GPHN: variants seen among roughly 807,000 people sequenced by gnomAD.
GPHN encodes the protein gephyrin.
A neutral mutation model predicts 95.5 loss-of-function variants in GPHN; 17 were observed. The ratio of observed to expected loss-of-function variants is 0.18; its 90% CI spans 0.12 to 0.27. GPHN has a LOEUF of 0.27. Ranked by LOEUF, GPHN falls within the 10% of genes least tolerant of loss-of-function variation. The probability of loss-of-function intolerance (pLI) is 1.00; values close to 1 mark genes in which losing one functional copy is unlikely to be tolerated. For synonymous variants in GPHN, 320 were observed against 322.5 expected, an observed-to-expected ratio of 0.99 and a Z score of 0.08; for missense variants, 660 against 978.1, an observed-to-expected ratio of 0.67 and a Z score of 4.34.
At chr14:67,143,229 C>T (rs1165490545) in intron 17 of GPHN, 133 bp from the exon 18 acceptor site, 1 of 714,710 alleles carries the variant, frequency 1.4e-6, no homozygotes, top group Non-Finnish European at 2.6e-6. Context: ...CTTTTGATTC[C>T]CACTTCATAC....
chr14:66,663,415 C>T (rs4402493), intron 1 of GPHN, among the ~76,000 whole-genome samples: 47,318 of 152,082 alleles, frequency 0.31, 11,188 homozygotes, highest in African/African-American at 0.64. Flanking sequence ...ACTTTCCAGA[C>T]AAGCAAATGT....
At chr14:66,725,786 G>A (rs1224902973) in intron 2 of GPHN, among the ~76,000 whole-genome samples, 1 of 152,088 alleles carries the variant, frequency 6.6e-6, no homozygotes, top group African/African-American at 2.4e-5. Flanking sequence ...TTCCACTAAT[G>A]CTTCAGCTTT....
At chr14:66,927,754 T>C (rs916279945) in intron 8 of GPHN, among the ~76,000 whole-genome samples, 4 of 152,176 alleles carry the variant, frequency 2.6e-5, no homozygotes, top group African/African-American at 7.2e-5. Flanking sequence ...CATGAAGCAA[T>C]TGAATTTCGT....
At chr14:66,751,503 C>A (rs2058360952) in intron 2 of GPHN, among the ~76,000 whole-genome samples, 1 of 152,018 alleles carries the variant, frequency 6.6e-6, no homozygotes, top group Admixed American at 6.6e-5. Flanking sequence ...TGAGAAGTGT[C>A]TGTTCATGTC....
the GPHN span, among the ~76,000 whole-genome samples, chr14:67,436,469 C>T: frequency 5.3e-5 from 8 of 152,342 alleles, no homozygotes; most frequent in South Asian, 1.7e-3. Flanking sequence ...TCACAGCTGC[C>T]CCCTCTAGGT....
chr14:66,988,111 T>A (rs1012023955), intron 9 of GPHN, among the ~76,000 whole-genome samples: 1 of 151,906 alleles, frequency 6.6e-6, no homozygotes, highest in African/African-American at 2.4e-5. Context: ...CCTTTCTGTC[T>A]CTTTTCCCCC....
In GPHN at chr14:66,769,736, G is replaced by A. The variant is rs2059096610; in HGVS notation, c.144-6728G>A. The stretch of plus-strand genomic sequence containing the variant: ...TCTTTATTCAGTCTACCATTGATGG[G>A]CATTTAGGTTGATTCTGTGTCTTTG... On this transcript the variant is annotated intron_variant, in intron 2 of 22. Coordinates refer to ENST00000478722, the MANE Select transcript of GPHN (RefSeq NM_020806.5). Among the ~76,000 whole-genome samples, 3 of 152,042 alleles carry A rather than the reference G, an allele frequency of 2.0e-5. No homozygotes were observed. In the South Asian group the frequency reaches 6.2e-4, roughly 32 times the overall value.
At chr14:66,615,340 C>T (rs1281768140) in intron 1 of GPHN, among the ~76,000 whole-genome samples, 3 of 152,046 alleles carry the variant, frequency 2.0e-5, no homozygotes, top group Admixed American at 6.6e-5. Context: ...AGAGTAAAAG[C>T]GTTCCTATTT....
intron 8 of GPHN, among the ~76,000 whole-genome samples, chr14:66,951,262 G>T (rs1194818294): frequency 6.6e-6 from 1 of 152,036 alleles, no homozygotes; most frequent in African/African-American, 2.4e-5. Context: ...GCTAACACCT[G>T]TAAACCCAGC....
the GPHN span, among the ~76,000 whole-genome samples, chr14:67,295,572 AAG>A: frequency 6.6e-6 from 1 of 152,138 alleles, no homozygotes; most frequent in African/African-American, 2.4e-5. Context: ...CTTCACAAAA[AAG>A]AGGAAATCCA....
At chr14:66,629,412 C>G (rs1403296200) in intron 1 of GPHN, among the ~76,000 whole-genome samples, 1 of 151,634 alleles carries the variant, frequency 6.6e-6, no homozygotes, top group African/African-American at 2.4e-5. Context: ...TCTTGTCTCA[C>G]TAAATAACAC....
intron 9 of GPHN, among the ~76,000 whole-genome samples, chr14:67,011,894 C>G (rs1381573069): frequency 6.7e-6 from 1 of 149,212 alleles, no homozygotes; most frequent in Non-Finnish European, 1.5e-5. Flanking sequence ...ATAAACTGGT[C>G]AGAAGCAGGC....
the GPHN span, among the ~76,000 whole-genome samples, chr14:67,490,007 TCTG>T: frequency 2.1e-3 from 293 of 138,912 alleles, no homozygotes; most frequent in Non-Finnish European, 3.4e-3. Flanking sequence ...AAAAAAAAAT[TCTG>T]TCTATGTGTC....
chr14:66,700,169 A>C (rs2068425492), intron 2 of GPHN, among the ~76,000 whole-genome samples: 1 of 152,196 alleles, frequency 6.6e-6, no homozygotes, highest in Non-Finnish European at 1.5e-5. Context: ...AGGATATTCA[A>C]AGAAAAATTG....
chr14:66,571,045 G>GT (rs1555346955), intron 1 of GPHN, among the ~76,000 whole-genome samples: 1 of 152,042 alleles, frequency 6.6e-6, no homozygotes, highest in Non-Finnish European at 1.5e-5. Context: ...GTATTAGTCC[G>GT]TTTTCACACT....
chr14:66,581,273 A>G (rs952262516), intron 1 of GPHN, among the ~76,000 whole-genome samples: 1 of 151,802 alleles, frequency 6.6e-6, no homozygotes, highest in Non-Finnish European at 1.5e-5. Flanking sequence ...ATCATAAAAT[A>G]TTATTGGGTG....
At chr14:66,749,875 T>A (rs1008563102) in intron 2 of GPHN, among the ~76,000 whole-genome samples, 9 of 151,766 alleles carry the variant, frequency 5.9e-5, no homozygotes, top group Non-Finnish European at 1.2e-4. Flanking sequence ...ATATAGTAGG[T>A]CTGTGTATTT....
chr14:66,778,324 C>CA (rs565313223), intron 3 of GPHN, among the ~76,000 whole-genome samples: 75 of 152,250 alleles, frequency 4.9e-4, no homozygotes, highest in African/African-American at 1.6e-3. Context: ...GAAATAGTAA[C>CA]AGTCTTTTAG....
At chr14:66,793,993 T>C (rs1261367799) in intron 3 of GPHN, among the ~76,000 whole-genome samples, 5 of 152,318 alleles carry the variant, frequency 3.3e-5, no homozygotes, top group South Asian at 4.1e-4. Context: ...ATTGTCAGAC[T>C]GAATGACAAG....
Sources: gnomAD v4.1 joint callset for allele counts (sites outside exome capture counted in the v4.1 genomes callset) on GRCh38, gnomAD v4.1.1 for gene constraint, MANE v1.5 for transcripts, NCBI Gene and HGNC (gene_info 2026-07-23, HGNC 2026-07-21) for gene names.